The following GRIN2B variants were observed in gnomAD, a reference collection of about 807,000 sequenced individuals.
GRIN2B encodes glutamate receptor ionotropic, NMDA 2B.
Under a neutral mutation model 114.5 loss-of-function variants are expected in GRIN2B, and 5 were observed. That is an observed-to-expected ratio of 0.04 (90% CI 0.02 to 0.09). The LOEUF is 0.09. Ranked by LOEUF, GRIN2B falls within the 10% of genes least tolerant of loss-of-function variation. GRIN2B has a pLI of 1.00. For missense variants in GRIN2B, 1,108 were observed against 1,943.5 expected (o/e 0.57, Z 8.08); for synonymous variants, 787 against 745.1 (o/e 1.06, Z -0.92).
intron 2 of GRIN2B, among the ~76,000 whole-genome samples, chr12:13,868,257 C>T (rs769113000): frequency 5.9e-5 from 9 of 152,158 alleles, no homozygotes; most frequent in Non-Finnish European, 1.2e-4. Context: ...ATCTCAGTGT[C>T]TCTGTGAAAA....
intron 3 of GRIN2B, among the ~76,000 whole-genome samples, chr12:13,794,721 G>A (rs368787653): frequency 1.3e-5 from 2 of 152,176 alleles, no homozygotes; most frequent in East Asian, 3.9e-4. Flanking sequence ...ATATAACTCA[G>A]CAAAATGCTG....
intron 9 of GRIN2B, 25 bp downstream of exon 9, chr12:13,611,700 G>A: frequency 1.9e-6 from 3 of 1,611,294 alleles, no homozygotes; most frequent in Non-Finnish European, 2.5e-6. Context: ...AACTGGGGAA[G>A]TGCAGCGGTT....
intron 10 of GRIN2B, among the ~76,000 whole-genome samples, chr12:13,587,943 G>T (rs1591623594): frequency 1.3e-5 from 2 of 152,126 alleles, no homozygotes; most frequent in South Asian, 4.1e-4. Context: ...TGACAAAACC[G>T]AATGGCAAAA....
intron 10 of GRIN2B, among the ~76,000 whole-genome samples, chr12:13,595,502 A>G (rs1949059930): frequency 6.6e-6 from 1 of 152,214 alleles, no homozygotes; most frequent in Non-Finnish European, 1.5e-5. Flanking sequence ...AAATTATGTC[A>G]GACCCGGGGG....
intron 10 of GRIN2B, among the ~76,000 whole-genome samples, chr12:13,605,230 T>C (rs1949223015): frequency 6.6e-6 from 1 of 152,172 alleles, no homozygotes; most frequent in African/African-American, 2.4e-5. Context: ...GTTGCCATAA[T>C]AGAGCACTAA....
At chr12:13,869,696 C>T (rs1865877164) in intron 2 of GRIN2B, among the ~76,000 whole-genome samples, 1 of 152,142 alleles carries the variant, frequency 6.6e-6, no homozygotes, top group Non-Finnish European at 1.5e-5. Flanking sequence ...GGCTCCAAAG[C>T]CCTTGCTCTT....
chr12:13,937,962 A>G (rs1208018201), intron 2 of GRIN2B, among the ~76,000 whole-genome samples: 1 of 152,100 alleles, frequency 6.6e-6, no homozygotes, highest in Non-Finnish European at 1.5e-5. Context: ...ATGCAATGTC[A>G]TACCTTACGT....
rs558870475 is a variant in GRIN2B, at chr12:13,679,038, GGAAA to G, written c.1011-3183_1011-3180del. Among the ~76,000 whole-genome samples, 7 of 151,390 alleles carry G rather than the reference GGAAA, an allele frequency of 4.6e-5. No homozygotes were observed. In the South Asian group the frequency reaches 1.5e-3, roughly 32 times the overall value. On this transcript the variant is annotated intron_variant, in intron 4 of 13. Transcript: ENST00000609686. Reference sequence around the variant, plus strand: ...AAAAAGGAAGAAAAGGAAAGAGGAAGGAAAGAAAGAGAGGAAAAGGAGGAAGGAA... The same window carrying G: ...AAAAAGGAAGAAAAGGAAAGAGGAAGGAAAGAGAGGAAAAGGAGGAAGGAA...
chr12:13,810,305 T>C (rs1211883842), intron 3 of GRIN2B, among the ~76,000 whole-genome samples: 1 of 151,848 alleles, frequency 6.6e-6, no homozygotes, highest in Non-Finnish European at 1.5e-5. Flanking sequence ...AACCTCTGAC[T>C]CCCAGGTTCA....
chr12:13,874,321 A>G (rs1397611790), intron 2 of GRIN2B, among the ~76,000 whole-genome samples: 1 of 152,204 alleles, frequency 6.6e-6, no homozygotes, highest in Non-Finnish European at 1.5e-5. Context: ...CAGAAGTATC[A>G]CTTCTACTGT....
chr12:13,611,477 C>T (rs1263921998), intron 9 of GRIN2B, among the ~76,000 whole-genome samples: 1 of 152,184 alleles, frequency 6.6e-6, no homozygotes, highest in Non-Finnish European at 1.5e-5. Context: ...ATAGTTTTTC[C>T]TCTCCTTTAC....
intron 3 of GRIN2B, among the ~76,000 whole-genome samples, chr12:13,864,281 T>C (rs1024831002): frequency 6.6e-6 from 1 of 152,152 alleles, no homozygotes; most frequent in Non-Finnish European, 1.5e-5. Flanking sequence ...CAGGTGGCGG[T>C]AACGGTCATG....
chr12:13,582,349 T>C (rs1178605369), intron 10 of GRIN2B, among the ~76,000 whole-genome samples: 1 of 152,232 alleles, frequency 6.6e-6, no homozygotes, highest in Non-Finnish European at 1.5e-5. Flanking sequence ...TATTGCAGAA[T>C]GTAGTTAGAA....
chr12:13,629,550 T>C (rs1349978372), intron 5 of GRIN2B, among the ~76,000 whole-genome samples: 1 of 152,164 alleles, frequency 6.6e-6, no homozygotes, highest in African/African-American at 2.4e-5. Context: ...CATTCACCTA[T>C]AGAATAATAT....
At position 13,578,383 on chromosome 12, in the gene GRIN2B, G is replaced by T. The variant is rs115381110; in HGVS notation, c.2011-6419C>A. 8.3e-3 allele frequency among the ~76,000 whole-genome samples: 1,271 copies of T among 152,298 alleles called. 19 individuals carry two copies. Among genetic ancestry groups the T allele is most frequent in the African/African-American group, 0.028 (1,169 of 41,548 alleles). On this transcript the variant is annotated intron_variant, in intron 10 of 13. Coordinates refer to ENST00000609686, the MANE Select transcript of GRIN2B (RefSeq NM_000834.5). ...TTGGCCTTTGGAAACCTCGCTCTGA[G>T]AGAATCGGTGCACCATGTCAGAAGT...
chr12:13,778,661 G>A (rs1213371844), intron 3 of GRIN2B, among the ~76,000 whole-genome samples: 1 of 152,172 alleles, frequency 6.6e-6, no homozygotes, highest in African/African-American at 2.4e-5. Flanking sequence ...CTTTAATCAA[G>A]TGGCTCATCA....
chr12:13,640,537 T>A (rs1173234277), intron 5 of GRIN2B, among the ~76,000 whole-genome samples: 1 of 152,182 alleles, frequency 6.6e-6, no homozygotes, highest in African/African-American at 2.4e-5. Context: ...GTATAGTTTG[T>A]CTTTGACTGG....
At chr12:13,869,577 T>G (rs1383633047) in intron 2 of GRIN2B, among the ~76,000 whole-genome samples, 1 of 152,206 alleles carries the variant, frequency 6.6e-6, no homozygotes, top group Non-Finnish European at 1.5e-5. Flanking sequence ...AAAAACATTG[T>G]AAGTCATACT....
At chr12:13,871,845 T>C (rs1470839896) in intron 2 of GRIN2B, among the ~76,000 whole-genome samples, 1 of 151,860 alleles carries the variant, frequency 6.6e-6, no homozygotes, top group Non-Finnish European at 1.5e-5. Context: ...ATAATAAAAA[T>C]GGCAAATAGG....
Sources: allele counts gnomAD v4.1 joint callset (sites outside exome capture counted in the v4.1 genomes callset), GRCh38; gene constraint gnomAD v4.1.1; transcripts MANE v1.5; gene names NCBI Gene and HGNC (gene_info 2026-07-23, HGNC 2026-07-21).